Variants in USP25 observed in about 807,000 individuals in gnomAD.
USP25 encodes the protein ubiquitin carboxyl-terminal hydrolase 25.
A neutral mutation model predicts 158.5 loss-of-function variants in USP25; 85 were observed. The observed-to-expected ratio is 0.54, with a 90% CI of 0.45 to 0.64. USP25 has a LOEUF of 0.64. Among genes scored for constraint, USP25 ranks in the 30% least tolerant of loss-of-function variants. The probability of loss-of-function intolerance (pLI) is 0.00; values close to 1 mark genes in which losing one functional copy is unlikely to be tolerated. For synonymous variants in USP25, 464 were observed against 460.4 expected (o/e 1.01, Z -0.10); for missense variants, 1,242 against 1,327.3 (o/e 0.94, Z 1.00).
Position 15,824,154 on chromosome 21 carries a change from T to C in USP25, c.1196T>C (p.Leu399Ser). Residue 399 changes from leucine to serine, a missense_variant, in exon 11 of 26, where the codon TTA becomes TCA. Transcript: ENST00000400183. ...AACAAATTAGAATTTCCCCAAGTTT[T>C]ATATTTGGACAGGTATGGTTTGATA... is the stretch of plus-strand genomic sequence containing the variant. ...IHNKLEFPQV[L>S]YLDRYMHRNR... The C allele has an allele frequency of 6.2e-7, 1 of 1,612,668 alleles. No homozygotes were observed. The highest frequency in any genetic ancestry group is 8.5e-7 in the Non-Finnish European group (1 of 1,179,752).
chr21:15,833,419 G>A lies in USP25; in HGVS notation c.2065G>A (p.Val689Ile), dbSNP rs1282021795. The A allele has an allele frequency of 9.3e-6, 15 of 1,613,936 alleles. No individual in the cohort carries two copies. The Admixed American group carries it at 2.3e-4, about 25-fold the overall frequency. ...ETLPPDLRDFVEEDNQRFEKE... is the reference protein window; with the variant it reads ...ETLPPDLRDFIEEDNQRFEKE... ...ATTACCACCGGATTTGAGAGATTTTGTTGAGGAAGACAACCAACGATTTGA... is the reference window on the plus strand; with the variant it reads ...ATTACCACCGGATTTGAGAGATTTTATTGAGGAAGACAACCAACGATTTGA... The change falls in exon 17 of 26, where the codon GTT (valine) becomes ATT (isoleucine). Residue 689 changes from valine to isoleucine, a missense_variant. By Grantham distance (29) the Val-to-Ile change is conservative. Transcript: ENST00000400183.
rs1205552574 is a variant in USP25 at position 15,730,204 on chromosome 21, G to A, written c.-190G>A. 8.0e-6 allele frequency: 4 copies of A among 501,648 alleles called. No homozygotes were observed. Among genetic ancestry groups the A allele is most frequent in the Non-Finnish European group, 1.0e-5 (4 of 389,110 alleles). The allele number at this position is 501,648 out of a possible 1,614,324, so 31.1% of individuals were successfully genotyped here. A position where few individuals can be genotyped will look rare whatever the true frequency, so the allele number is the denominator to read the frequency against. ...GGCCGCCGTGGCCCTCACAGTCGGCGTTTCGCCGCCTGCCCGCGGTGCCCG... is the reference window on the plus strand; with the variant it reads ...GGCCGCCGTGGCCCTCACAGTCGGCATTTCGCCGCCTGCCCGCGGTGCCCG... On this transcript the variant is annotated 5_prime_UTR_variant, in exon 1 of 26. Coordinates refer to ENST00000400183, the MANE Select transcript of USP25 (RefSeq NM_001283041.3).
At chr21:15,847,988 G>T (rs185462307) in intron 19 of USP25, among the ~76,000 whole-genome samples, 153 of 152,190 alleles carry the variant, frequency 1.0e-3, no homozygotes, top group African/African-American at 3.5e-3. Flanking sequence ...TTTGTCAAAA[G>T]AATTTTCTGT....
At chr21:15,759,362 G>A (rs1395986478) in intron 1 of USP25, among the ~76,000 whole-genome samples, 2 of 152,154 alleles carry the variant, frequency 1.3e-5, no homozygotes, top group African/African-American at 4.8e-5. Flanking sequence ...TTAAGTACGT[G>A]CCTGTGACAC....
intron 9 of USP25, among the ~76,000 whole-genome samples, chr21:15,812,215 T>C (rs2146299062): frequency 6.6e-6 from 1 of 151,962 alleles, no homozygotes; most frequent in South Asian, 2.1e-4. Context: ...TCTTAATCAT[T>C]CTGATTTTAT....
chr21:15,783,309 A>G (rs2035074311), intron 4 of USP25, among the ~76,000 whole-genome samples: 1 of 152,210 alleles, frequency 6.6e-6, no homozygotes, highest in Admixed American at 6.5e-5. Flanking sequence ...CAGAGAAAGA[A>G]TAAGTGAAGA....
In USP25 at chr21:15,878,432, G is replaced by T. The variant is rs150189440; in HGVS notation, c.3335G>T (p.Arg1112Leu). ...STHELCERFA[R>L]IMLSLSRTPA... ...CATGAACTCTGTGAGCGATTTGCCC[G>T]AATCATGTTGTCCCTCAGTCGAACT... is the stretch of plus-strand genomic sequence containing the variant. Residue 1112 changes from arginine (R) to leucine (L), a missense_variant, in exon 26 of 26, where the codon CGA (arginine) becomes CTA (leucine). Around this residue, in one of 3 missense-constraint regions of USP25, gnomAD observed 608 missense variants for 605.2 expected, o/e 1.00. Coordinates refer to ENST00000400183, the MANE Select transcript of USP25 (RefSeq NM_001283041.3). The T allele has an allele frequency of 6.2e-7, 1 of 1,613,944 alleles. No homozygotes were observed.
At chr21:15,849,473 A>G (rs139477829) in intron 19 of USP25, among the ~76,000 whole-genome samples, 364 of 152,264 alleles carry the variant, frequency 2.4e-3, no homozygotes, top group African/African-American at 8.3e-3. Context: ...TGCTTTTTCT[A>G]AATAGTTCAC....
intron 20 of USP25, among the ~76,000 whole-genome samples, chr21:15,852,965 A>T (rs750286117): frequency 6.6e-6 from 1 of 152,186 alleles, no homozygotes; most frequent in Non-Finnish European, 1.5e-5. Context: ...TGTCACCTTA[A>T]AAATTTTTTC....
rs777005523 is a variant in USP25 at position 15,826,165 on chromosome 21, T to C, written c.1305-39T>C. ...ATAATAAAGGCCCAAATATGCTGTA[T>C]ATAGAAATAAAAGCATTTGTACATT... On this transcript the variant is annotated intron_variant, in intron 12 of 25. Transcript: ENST00000400183. This position sits in a 1 kb window ranked among gnomAD's most constrained non-coding sequence, Gnocchi z 4.8. The C allele has an allele frequency of 1.2e-6, 2 of 1,601,146 alleles. No individual in the cohort carries two copies. The highest frequency in any genetic ancestry group is 3.4e-5 in the Admixed American group (2 of 59,568).
At chr21:15,748,325 A>AGGCTGGTGTGCAGT (rs1437266769) in intron 1 of USP25, among the ~76,000 whole-genome samples, 1 of 152,160 alleles carries the variant, frequency 6.6e-6, no homozygotes, top group Non-Finnish European at 1.5e-5. Flanking sequence ...TCTCTTGCCC[A>AGGCTGGTGTGCAGT]GGCTGGAGTG....
intron 20 of USP25, among the ~76,000 whole-genome samples, chr21:15,859,991 A>G (rs867901489): frequency 7.6e-6 from 1 of 131,140 alleles, no homozygotes; most frequent in Non-Finnish European, 1.6e-5. Flanking sequence ...ATATATCTAT[A>G]TTTTTTTTTT....
chr21:15,782,183 A>T (rs1248655298), intron 4 of USP25, among the ~76,000 whole-genome samples: 23 of 152,178 alleles, frequency 1.5e-4, no homozygotes, highest in Non-Finnish European at 3.4e-4. Context: ...AGGCTAGTGT[A>T]CATCTGTCCC....
Position 15,826,216 on chromosome 21 carries a change from T to C in USP25, c.1317T>C (p.Tyr439=). 1 of 1,613,952 alleles carries C rather than the reference T, an allele frequency of 6.2e-7. No homozygotes were observed. The highest frequency in any genetic ancestry group is 8.5e-7 in the Non-Finnish European group (1 of 1,179,888). ...TTATGATTAACAGATATTTAAGCTATGGTTCCGGTCCCAAACGATTCCCCT... is the reference window on the plus strand; with the variant it reads ...TTATGATTAACAGATATTTAAGCTACGGTTCCGGTCCCAAACGATTCCCCT... ...LQQRLERYLS[Y]GSGPKRFPLV... The change falls in exon 13 of 26, where the codon TAT becomes TAC. Residue 439 remains tyrosine, a synonymous_variant. Coordinates refer to ENST00000400183, the MANE Select transcript of USP25 (RefSeq NM_001283041.3). The surrounding 1 kb of genome is among the most constrained non-coding windows in gnomAD (Gnocchi z 4.8).
intron 1 of USP25, among the ~76,000 whole-genome samples, chr21:15,738,036 G>A (rs538830567): frequency 2.9e-4 from 44 of 152,256 alleles, no homozygotes; most frequent in Middle Eastern, 6.8e-3. Context: ...TGTGCAACCT[G>A]TAAATGATTT....
intron 9 of USP25, among the ~76,000 whole-genome samples, chr21:15,815,124 G>A (rs562925440): frequency 6.6e-6 from 1 of 152,056 alleles, no homozygotes. Context: ...GTTTCAGAGG[G>A]TGCAAGCCCC....
At chr21:15,842,037 C>T (rs2038359369) in intron 17 of USP25, among the ~76,000 whole-genome samples, 1 of 152,126 alleles carries the variant, frequency 6.6e-6, no homozygotes, top group Non-Finnish European at 1.5e-5. Context: ...AGCTCCTGTG[C>T]ACTCTATGGA....
intron 14 of USP25, among the ~76,000 whole-genome samples, chr21:15,827,934 T>TA (rs537470764): frequency 6.8e-4 from 104 of 152,162 alleles, no homozygotes; most frequent in African/African-American, 2.4e-3. Flanking sequence ...AAAGTGTACT[T>TA]AAAAAAATGG....
chr21:15,810,887 G>T (rs972055199), intron 8 of USP25, among the ~76,000 whole-genome samples: 1 of 152,168 alleles, frequency 6.6e-6, no homozygotes, highest in Non-Finnish European at 1.5e-5. Context: ...GTTCATACAC[G>T]TAGTAGCTCA....
Sources: gnomAD v4.1 joint callset for allele counts (sites outside exome capture counted in the v4.1 genomes callset) on GRCh38, gnomAD v4.1.1 for gene constraint, gnomAD v4.1.1 regional missense constraint, Gnocchi (gnomAD v3.1) non-coding constraint, MANE v1.5 for transcripts, NCBI Gene and HGNC (gene_info 2026-07-23, HGNC 2026-07-21) for gene names.